The following DCPS variants were observed in gnomAD, a reference collection of about 807,000 sequenced individuals.
DCPS encodes decapping enzyme, scavenger.
In DCPS, 27 loss-of-function variants were observed where a neutral mutation model predicts 34.7. The ratio of observed to expected loss-of-function variants is 0.78; its 90% confidence interval spans 0.57 to 1.07. DCPS has a LOEUF of 1.07. DCPS is among the 50% of genes least tolerant of loss of function. DCPS has a pLI of 0.00. For synonymous variants in DCPS, 185 were observed against 185.7 expected (o/e 1.00, Z 0.03); for missense variants, 464 against 436.9 (o/e 1.06, Z -0.55).
In DCPS at chr11:126,349,046, A is replaced by G. The variant is rs556052266; in HGVS notation, c.*3433A>G. Reference sequence around the variant, plus strand: ...AAACATGTGGCGAATGGAGGACCAGAGCTAGGCTCTGAATGAGGCCTCCTG... The same window carrying G: ...AAACATGTGGCGAATGGAGGACCAGGGCTAGGCTCTGAATGAGGCCTCCTG... On this transcript the variant is annotated 3_prime_UTR_variant, in exon 6 of 6. Transcript: ENST00000263579. This position sits in a 1 kb window ranked among gnomAD's most constrained non-coding sequence, Gnocchi z 5.4. Among the ~76,000 whole-genome samples the G allele has an allele frequency of 6.6e-6, 1 of 152,188 alleles. No individual in the cohort carries two copies. Among genetic ancestry groups the G allele is most frequent in the Admixed American group, 6.5e-5 (1 of 15,274 alleles).
chr11:126,304,966 C>T (rs1487509957), intron 1 of DCPS, among the ~76,000 whole-genome samples: 6 of 152,114 alleles, frequency 3.9e-5, no homozygotes, highest in Non-Finnish European at 7.4e-5. Context: ...GGGGGTTCCC[C>T]AGAAACTAGT....
chr11:126,312,210 C>T lies in DCPS; in HGVS notation c.376+5466C>T, dbSNP rs1022835716. On this transcript the variant is annotated intron_variant, in intron 2 of 5. Coordinates refer to ENST00000263579, the MANE Select transcript of DCPS (RefSeq NM_014026.6). The surrounding 1 kb of genome is among the most constrained non-coding windows in gnomAD (Gnocchi z 5.1). ...CCTCCCAGAGTGCTGAGAGTACAGG[C>T]GTGAGCCACCGCATCTGGCCAGAAG... Among the ~76,000 whole-genome samples, 2 of 152,164 alleles carry T rather than the reference C, an allele frequency of 1.3e-5. No homozygotes were observed. Among genetic ancestry groups the T allele is most frequent in the Admixed American group, 1.3e-4 (2 of 15,278 alleles).
chr11:126,317,816 C>A (rs993460283), intron 2 of DCPS, among the ~76,000 whole-genome samples: 1 of 152,202 alleles, frequency 6.6e-6, no homozygotes, highest in Non-Finnish European at 1.5e-5. Context: ...TAAGGCCAAG[C>A]CTGTCACTTC....
rs1041152905 is a variant in DCPS, at chr11:126,345,822, G to C, written c.*209G>C. On this transcript the variant is annotated 3_prime_UTR_variant, in exon 6 of 6. Transcript: ENST00000263579. The surrounding 1 kb of genome is among the most constrained non-coding windows in gnomAD (Gnocchi z 7.4). ...AGTGGGTGGGTAGAACCTGTGGGAAGGCCTTGAGAATGGTGGAAAGTCTCC... is the reference window on the plus strand; with the variant it reads ...AGTGGGTGGGTAGAACCTGTGGGAACGCCTTGAGAATGGTGGAAAGTCTCC... 5 of 717,836 alleles carry C rather than the reference G, an allele frequency of 7.0e-6. No homozygotes were observed. Among genetic ancestry groups the C allele is most frequent in the East Asian group, 5.6e-5 (2 of 35,652 alleles). 44.5% of individuals were successfully genotyped at this position (717,836 alleles called of 1,614,324 possible).
In DCPS at chr11:126,347,652, C is replaced by G. The variant is rs1951948594; in HGVS notation, c.*2039C>G. Among the ~76,000 whole-genome samples the G allele has an allele frequency of 2.0e-5, 3 of 152,230 alleles. No individual in the cohort carries two copies. The highest frequency in any genetic ancestry group is 7.2e-5 in the African/African-American group (3 of 41,460). Reference sequence around the variant, plus strand: ...GATCCATTTCATGGCCACCACACATCTGACTGACTCCTTCTTGGGCTAAGC... The same window carrying G: ...GATCCATTTCATGGCCACCACACATGTGACTGACTCCTTCTTGGGCTAAGC... On this transcript the variant is annotated 3_prime_UTR_variant, in exon 6 of 6. Coordinates refer to ENST00000263579, the MANE Select transcript of DCPS (RefSeq NM_014026.6). This position sits in a 1 kb window ranked among gnomAD's most constrained non-coding sequence, Gnocchi z 4.2.
At chr11:126,314,482 C>T (rs1000758648) in intron 2 of DCPS, among the ~76,000 whole-genome samples, 1 of 151,310 alleles carries the variant, frequency 6.6e-6, no homozygotes, top group Non-Finnish European at 1.5e-5. Context: ...GGCAATCCCA[C>T]TACTAGGTAT....
chr11:126,331,071 C>A lies in DCPS; in HGVS notation c.377-334C>A, dbSNP rs1048152180. ...ATTTTCAGCTTTGGGTCCAGAAAGC[C>A]ACATACCTAGAAATTTGGTATGTGA... On this transcript the variant is annotated intron_variant, in intron 2 of 5. Coordinates refer to ENST00000263579, the MANE Select transcript of DCPS (RefSeq NM_014026.6). This position sits in a 1 kb window ranked among gnomAD's most constrained non-coding sequence, Gnocchi z 7.2. 3.3e-5 allele frequency among the ~76,000 whole-genome samples: 5 copies of A among 152,064 alleles called. No homozygotes were observed. Among genetic ancestry groups the A allele is most frequent in the African/African-American group, 1.2e-4 (5 of 41,406 alleles).
intron 1 of DCPS, among the ~76,000 whole-genome samples, chr11:126,305,087 A>G (rs1379844623): frequency 6.6e-6 from 1 of 152,146 alleles, no homozygotes; most frequent in African/African-American, 2.4e-5. Flanking sequence ...CTCTGTGTGT[A>G]TCTGGTTTTT....
chr11:126,321,768 G>A (rs1182893071), intron 2 of DCPS, among the ~76,000 whole-genome samples: 1 of 152,114 alleles, frequency 6.6e-6, no homozygotes, highest in Admixed American at 6.5e-5. Context: ...TAATCTCAGA[G>A]AAATTATGCT....
Position 126,332,956 on chromosome 11 carries a change from G to A in DCPS, c.522+1406G>A, listed in dbSNP as rs1951803836. ...GAGATTCAAGTAAGGAAGCCCTGAT[G>A]TGGTTGGTGTGAGTAGCTGGGATTA... is the stretch of plus-strand genomic sequence containing the variant. On this transcript the variant is annotated intron_variant, in intron 3 of 5. Coordinates refer to ENST00000263579, the MANE Select transcript of DCPS (RefSeq NM_014026.6). The surrounding 1 kb of genome is among the most constrained non-coding windows in gnomAD (Gnocchi z 5.4). Among the ~76,000 whole-genome samples, 2 of 152,158 alleles carry A rather than the reference G, an allele frequency of 1.3e-5. No homozygotes were observed. Among genetic ancestry groups the A allele is most frequent in the South Asian group, 4.1e-4 (2 of 4,828 alleles).
chr11:126,341,290 A>G (rs1037025848), intron 4 of DCPS: 27 of 152,248 alleles, frequency 1.8e-4, no homozygotes, highest in African/African-American at 4.6e-4. Context: ...GACGATGTCT[A>G]TCTGTCTTCC....
rs1399925117 is a variant in DCPS, at chr11:126,315,480, A to G, written c.376+8736A>G. On this transcript the variant is annotated intron_variant, in intron 2 of 5. Transcript: ENST00000263579. This position sits in a 1 kb window ranked among gnomAD's most constrained non-coding sequence, Gnocchi z 6.1. ...GAGGCTGAAGTTGGAGGATTGCTTG[A>G]GCTCAGGAGGTCAAGGCTGCAGTGA... Among the ~76,000 whole-genome samples the G allele has an allele frequency of 3.9e-5, 6 of 152,014 alleles. No homozygotes were observed. The East Asian group carries it at 1.2e-3, about 29-fold the overall frequency.
In DCPS at chr11:126,328,124, C is replaced by T. The variant is rs140986893; in HGVS notation, c.377-3281C>T. On this transcript the variant is annotated intron_variant, in intron 2 of 5. Transcript: ENST00000263579. This position sits in a 1 kb window ranked among gnomAD's most constrained non-coding sequence, Gnocchi z 6.6. ...CCTGGAGAGGAGCCCATGGCTGACG[C>T]GAGTTAGTGGGTCAGTGGGGAGCCG... Among the ~76,000 whole-genome samples, 250 of 152,214 alleles carry T rather than the reference C, an allele frequency of 1.6e-3. No homozygotes were observed. The highest frequency in any genetic ancestry group is 5.4e-3 in the African/African-American group (223 of 41,538).
intron 1 of DCPS, among the ~76,000 whole-genome samples, chr11:126,305,864 T>C (rs1400470694): frequency 6.6e-6 from 1 of 152,214 alleles, no homozygotes; most frequent in Admixed American, 6.5e-5. Flanking sequence ...ATGAGAGCCT[T>C]CGAGCTAGGA....
intron 2 of DCPS, among the ~76,000 whole-genome samples, chr11:126,307,555 C>T (rs1260777391): frequency 6.6e-6 from 1 of 151,948 alleles, no homozygotes; most frequent in Non-Finnish European, 1.5e-5. Flanking sequence ...GGATTACAGG[C>T]GCCCACCACC....
chr11:126,322,269 T>A lies in DCPS; in HGVS notation c.377-9136T>A, dbSNP rs1951712982. Among the ~76,000 whole-genome samples the A allele has an allele frequency of 7.0e-6, 1 of 143,644 alleles. No individual in the cohort carries two copies. Among genetic ancestry groups the A allele is most frequent in the Admixed American group, 6.8e-5 (1 of 14,670 alleles). 94.2% of individuals were successfully genotyped at this position (143,644 alleles called of 152,430 possible). On this transcript the variant is annotated intron_variant, in intron 2 of 5. Coordinates refer to ENST00000263579, the MANE Select transcript of DCPS (RefSeq NM_014026.6). This position sits in a 1 kb window ranked among gnomAD's most constrained non-coding sequence, Gnocchi z 4.2. ...ATTCAGATCTTCTTATTTTTATTTA[T>A]TTTTATTTTTTTGAGACAGAGTCTC...
At position 126,339,332 on chromosome 11, in the gene DCPS, C is replaced by T. The variant is rs570334586; in HGVS notation, c.636+933C>T. The stretch of plus-strand genomic sequence containing the variant: ...GGTGGGCCCGTCTAGTTTCTGCACC[C>T]GTCAAAGGCTGGAGAGACTCTTGTA... On this transcript the variant is annotated intron_variant, in intron 4 of 5. Coordinates refer to ENST00000263579, the MANE Select transcript of DCPS (RefSeq NM_014026.6). Among the ~76,000 whole-genome samples, 14 of 152,318 alleles carry T rather than the reference C, an allele frequency of 9.2e-5. No homozygotes were observed. In the South Asian group the frequency reaches 1.0e-3, roughly 11 times the overall value.
rs539950492 is a variant in DCPS, at chr11:126,349,703, C to T, written c.*4090C>T. Among the ~76,000 whole-genome samples the T allele has an allele frequency of 1.8e-3, 280 of 152,350 alleles. 2 individuals are homozygous for T. Among genetic ancestry groups the T allele is most frequent in the African/African-American group, 6.2e-3 (259 of 41,572 alleles). ...TTTTATTGATGTAGGTCTGCCAACT[C>T]TTCCTTCTCAGGAAGGACTGTTTTT... On this transcript the variant is annotated 3_prime_UTR_variant, in exon 6 of 6. Transcript: ENST00000263579. This position sits in a 1 kb window ranked among gnomAD's most constrained non-coding sequence, Gnocchi z 5.4.
chr11:126,338,500 G>T lies in DCPS; in HGVS notation c.636+101G>T. The T allele has an allele frequency of 9.2e-7, 1 of 1,084,694 alleles. No individual in the cohort carries two copies. Among genetic ancestry groups the T allele is most frequent in the Non-Finnish European group, 1.4e-6 (1 of 714,894 alleles). The allele number at this position is 1,084,694 out of a possible 1,614,324, so 67.2% of individuals were successfully genotyped here. ...TCTCACGCTGGCCTGTCTCTAAGCAGATTATAATTAACCAACAAGGGTTGG... is the reference window on the plus strand; with the variant it reads ...TCTCACGCTGGCCTGTCTCTAAGCATATTATAATTAACCAACAAGGGTTGG... On this transcript the variant is annotated intron_variant, in intron 4 of 5. Coordinates refer to ENST00000263579, the MANE Select transcript of DCPS (RefSeq NM_014026.6). This position sits in a 1 kb window ranked among gnomAD's most constrained non-coding sequence, Gnocchi z 5.4.
Sources: gnomAD v4.1 joint callset for allele counts (sites outside exome capture counted in the v4.1 genomes callset) on GRCh38, gnomAD v4.1.1 for gene constraint, Gnocchi (gnomAD v3.1) non-coding constraint, MANE v1.5 for transcripts, NCBI Gene and HGNC (gene_info 2026-07-23, HGNC 2026-07-21) for gene names.